Variants in SDK2 observed in about 807,000 individuals in gnomAD.
SDK2 encodes protein sidekick-2.
Under a neutral mutation model 253.9 loss-of-function variants are expected in SDK2, and 105 were observed. The observed-to-expected ratio is 0.41, with a 90% CI of 0.35 to 0.49. The LOEUF is 0.49. Ranked by LOEUF, SDK2 falls within the 20% of genes least tolerant of loss-of-function variation. The pLI, the probability that SDK2 is intolerant of heterozygous loss-of-function variation, is 0.06. For missense variants in SDK2, 2,608 were observed against 3,003.0 expected (o/e 0.87, Z 3.07); for synonymous variants, 1,249 against 1,234.9 (o/e 1.01, Z -0.24).
intron 15 of SDK2, among the ~76,000 whole-genome samples, chr17:73,419,730 C>CAAAAA (rs1335442338): frequency 2.3e-4 from 6 of 25,942 alleles, no homozygotes; most frequent in East Asian, 2.9e-4. Flanking sequence ...AAAAAAAACC[C>CAAAAA]AAAAAAACTC....
At position 73,338,436 on chromosome 17, in the gene SDK2, T is replaced by A; in HGVS notation, c.*151A>T. ...TTTCTCCCTCCTTCTGAACGCCGGC[T>A]TTGCTGGCCCTGGAATCTCTGGAAA... On this transcript the variant is annotated 3_prime_UTR_variant, in exon 45 of 45. Coordinates refer to ENST00000392650, the MANE Select transcript of SDK2 (RefSeq NM_001144952.2). This position sits in a 1 kb window ranked among gnomAD's most constrained non-coding sequence, Gnocchi z 5.0. The A allele has an allele frequency of 1.4e-6, 1 of 705,160 alleles. No individual in the cohort carries two copies. Among genetic ancestry groups the A allele is most frequent in the Non-Finnish European group, 2.6e-6 (1 of 391,336 alleles). 43.7% of individuals were successfully genotyped at this position (705,160 alleles called of 1,614,324 possible).
At chr17:73,394,526 C>T (rs956957678) in intron 25 of SDK2, among the ~76,000 whole-genome samples, 3 of 152,190 alleles carry the variant, frequency 2.0e-5, no homozygotes, top group Non-Finnish European at 4.4e-5. Context: ...ATGCCGTTTC[C>T]GGTTTCAGAT....
In SDK2 at chr17:73,472,667, T is replaced by C. The variant is rs1194624932; in HGVS notation, c.225-449A>G. Reference sequence around the variant, plus strand: ...AGGGAAATTTACATGTTTTCCCAAATGCTCAGTATCATTCCTTTCTTAAAA... The same window carrying C: ...AGGGAAATTTACATGTTTTCCCAAACGCTCAGTATCATTCCTTTCTTAAAA... On this transcript the variant is annotated intron_variant, in intron 2 of 44. Coordinates refer to ENST00000392650, the MANE Select transcript of SDK2 (RefSeq NM_001144952.2). Among the ~76,000 whole-genome samples, 3 of 152,330 alleles carry C rather than the reference T, an allele frequency of 2.0e-5. No homozygotes were observed. The East Asian group carries it at 5.8e-4, about 29-fold the overall frequency.
At chr17:73,551,818 T>C (rs2045064563) in intron 1 of SDK2, among the ~76,000 whole-genome samples, 1 of 152,064 alleles carries the variant, frequency 6.6e-6, no homozygotes, top group East Asian at 1.9e-4. Context: ...ACCCCGCTGC[T>C]TTCCAAACTC....
At chr17:73,497,657 TC>T (rs1233385443) in intron 2 of SDK2, among the ~76,000 whole-genome samples, 1 of 146,366 alleles carries the variant, frequency 6.8e-6, no homozygotes, top group East Asian at 2.0e-4. Context: ...ACCCATCCGC[TC>T]CCACCAAGAT....
intron 2 of SDK2, among the ~76,000 whole-genome samples, chr17:73,498,615 G>T (rs531834986): frequency 5.9e-5 from 9 of 152,304 alleles, no homozygotes; most frequent in African/African-American, 2.2e-4. Context: ...TATGATTTCA[G>T]ATCTTGGACA....
At chr17:73,498,139 G>C (rs1004858528) in intron 2 of SDK2, among the ~76,000 whole-genome samples, 3 of 152,164 alleles carry the variant, frequency 2.0e-5, no homozygotes, top group Non-Finnish European at 4.4e-5. Flanking sequence ...TCTTATTTAG[G>C]ACCATATCAC....
At position 73,424,319 on chromosome 17, in the gene SDK2, C is replaced by T. The variant is rs111715556; in HGVS notation, c.1584-227G>A. On this transcript the variant is annotated intron_variant, in intron 12 of 44. Transcript: ENST00000392650. Reference sequence around the variant, plus strand: ...GGGTGCAGGAGAGTGGGAGAGCGAACGCATTCAGTCATTATTGGTCGTTAC... The same window carrying T: ...GGGTGCAGGAGAGTGGGAGAGCGAATGCATTCAGTCATTATTGGTCGTTAC... Among the ~76,000 whole-genome samples the T allele has an allele frequency of 5.3e-5, 8 of 152,228 alleles. No individual in the cohort carries two copies. In the East Asian group the frequency reaches 9.7e-4, roughly 18 times the overall value.
intron 2 of SDK2, among the ~76,000 whole-genome samples, chr17:73,483,621 A>G (rs1484555830): frequency 1.5e-5 from 2 of 131,074 alleles, no homozygotes; most frequent in East Asian, 2.1e-4. Flanking sequence ...ATATGTATAT[A>G]TATGTATATG....
At chr17:73,492,637 C>T (rs2063813918) in intron 2 of SDK2, among the ~76,000 whole-genome samples, 2 of 152,148 alleles carry the variant, frequency 1.3e-5, no homozygotes, top group South Asian at 4.1e-4. Flanking sequence ...CAACCCCCTC[C>T]CAGGAGGAGT....
chr17:73,439,573 C>T (rs1028905491), intron 6 of SDK2, among the ~76,000 whole-genome samples: 2 of 152,120 alleles, frequency 1.3e-5, no homozygotes. Context: ...AATGCTGCTA[C>T]AGGACATGCT....
chr17:73,614,169 C>T (rs141217009), intron 1 of SDK2, among the ~76,000 whole-genome samples: 1 of 152,154 alleles, frequency 6.6e-6, no homozygotes, highest in Non-Finnish European at 1.5e-5. Context: ...CCAAGCATGC[C>T]AGGGCCCTTG....
At chr17:73,627,974 C>G (rs2046223326) in intron 1 of SDK2, among the ~76,000 whole-genome samples, 1 of 152,216 alleles carries the variant, frequency 6.6e-6, no homozygotes, top group Non-Finnish European at 1.5e-5. Context: ...ATGGCATGAA[C>G]CCGGGAGGCG....
chr17:73,379,014 C>T lies in SDK2; in HGVS notation c.4980+163G>A, dbSNP rs1222750224. Among the ~76,000 whole-genome samples the T allele has an allele frequency of 6.6e-6, 1 of 152,200 alleles. No homozygotes were observed. The highest frequency in any genetic ancestry group is 2.4e-5 in the African/African-American group (1 of 41,458). On this transcript the variant is annotated intron_variant, in intron 36 of 44. Transcript: ENST00000392650. This position sits in a 1 kb window ranked among gnomAD's most constrained non-coding sequence, Gnocchi z 4.5. ...AATATTTCTGCGAACTGGGTCCAAA[C>T]AGCCAAGGTGGCAGGTGTACCACAG... is the stretch of plus-strand genomic sequence containing the variant.
intron 1 of SDK2, among the ~76,000 whole-genome samples, chr17:73,563,082 G>A (rs542560615): frequency 3.3e-4 from 50 of 152,332 alleles, no homozygotes; most frequent in Non-Finnish European, 6.2e-4. Context: ...CCTGGTCCTC[G>A]GGCCATTGCT....
chr17:73,393,869 A>T, intron 26 of SDK2, 120 bp from the exon 27 acceptor site: 9 of 751,444 alleles, frequency 1.2e-5, no homozygotes, highest in African/African-American at 1.8e-5. Context: ...CTTCCAGACC[A>T]GGGCTGGACC....
intron 4 of SDK2, among the ~76,000 whole-genome samples, chr17:73,452,571 G>A (rs1241429148): frequency 1.3e-5 from 2 of 152,120 alleles, no homozygotes; most frequent in African/African-American, 4.8e-5. Flanking sequence ...GGCTTGGAAT[G>A]AGAAAAGGAG....
chr17:73,475,301 G>A (rs1360270011), intron 2 of SDK2, among the ~76,000 whole-genome samples: 1 of 152,200 alleles, frequency 6.6e-6, no homozygotes, highest in African/African-American at 2.4e-5. Flanking sequence ...ATAGGCACCT[G>A]CCACCACGCC....
At chr17:73,508,242 C>T (rs1466181280) in intron 1 of SDK2, among the ~76,000 whole-genome samples, 3 of 152,278 alleles carry the variant, frequency 2.0e-5, no homozygotes, top group African/African-American at 7.2e-5. Context: ...GCTGCTTCCC[C>T]CTCTCTGCAG....
Sources: allele counts gnomAD v4.1 joint callset (sites outside exome capture counted in the v4.1 genomes callset), GRCh38; gene constraint gnomAD v4.1.1; non-coding constraint Gnocchi (gnomAD v3.1); transcripts MANE v1.5; gene names NCBI Gene and HGNC (gene_info 2026-07-23, HGNC 2026-07-21).